Variants in GNAQ observed in about 807,000 individuals in gnomAD.
GNAQ encodes G protein subunit alpha q.
In GNAQ, 8 loss-of-function variants were observed where a neutral mutation model predicts 43.9. The observed-to-expected ratio is 0.18, with a 90% CI of 0.11 to 0.33. The LOEUF (loss-of-function observed/expected upper bound fraction) is 0.33. Ranked by LOEUF, GNAQ falls within the 10% of genes least tolerant of loss-of-function variation. The pLI is 1.00. For synonymous variants in GNAQ, 155 were observed against 170.7 expected (o/e 0.91, Z 0.71); for missense variants, 158 against 450.8 (o/e 0.35, Z 5.88).
In GNAQ at chr9:77,984,856, G is replaced by A. The variant is rs545256328; in HGVS notation, c.136+46244C>T. Among the ~76,000 whole-genome samples the A allele has an allele frequency of 2.6e-5, 4 of 152,274 alleles. No individual in the cohort carries two copies. In the South Asian group the frequency reaches 6.2e-4, roughly 24 times the overall value. On this transcript the variant is annotated intron_variant, in intron 1 of 6. Coordinates refer to ENST00000286548, the MANE Select transcript of GNAQ (RefSeq NM_002072.5). ...GGACCAGGCTCCCGAGTGAAGAATG[G>A]AGCAATCCTCCAACATCTATTCAGG...
At chr9:77,776,363 A>G (rs1390037331) in intron 5 of GNAQ, among the ~76,000 whole-genome samples, 1 of 152,218 alleles carries the variant, frequency 6.6e-6, no homozygotes, top group Non-Finnish European at 1.5e-5. Flanking sequence ...TAAAAGACAC[A>G]TTGAAAGAAA....
intron 3 of GNAQ, among the ~76,000 whole-genome samples, chr9:77,810,868 T>C (rs144549354): frequency 2.6e-4 from 40 of 152,304 alleles, no homozygotes; most frequent in Non-Finnish European, 5.1e-4. Flanking sequence ...ATAGAAGACA[T>C]AGTGACTTAC....
At chr9:77,962,476 CA>C (rs1369578639) in intron 1 of GNAQ, among the ~76,000 whole-genome samples, 1 of 151,700 alleles carries the variant, frequency 6.6e-6, no homozygotes, top group Non-Finnish European at 1.5e-5. Flanking sequence ...TTACTGCTTA[CA>C]AAAAACACTT....
chr9:77,883,512 T>G (rs1464711683), intron 2 of GNAQ, among the ~76,000 whole-genome samples: 1 of 152,014 alleles, frequency 6.6e-6, no homozygotes, highest in Non-Finnish European at 1.5e-5. Flanking sequence ...GTTTTAATTT[T>G]AGACTCAGGC....
chr9:77,935,846 T>G (rs2118324431), intron 1 of GNAQ, among the ~76,000 whole-genome samples: 1 of 152,298 alleles, frequency 6.6e-6, no homozygotes, highest in South Asian at 2.1e-4. Flanking sequence ...TCTTCCCATC[T>G]TTCCCCTTCA....
At chr9:77,986,675 T>G (rs1431144661) in intron 1 of GNAQ, among the ~76,000 whole-genome samples, 1 of 152,094 alleles carries the variant, frequency 6.6e-6, no homozygotes, top group Non-Finnish European at 1.5e-5. Flanking sequence ...CCAGCTAATT[T>G]TTTTTACTTC....
chr9:77,945,979 C>T (rs1465190391), intron 1 of GNAQ, among the ~76,000 whole-genome samples: 1 of 152,180 alleles, frequency 6.6e-6, no homozygotes, highest in East Asian at 1.9e-4. Context: ...TTTCTTCAGT[C>T]CTAAACAGAA....
intron 2 of GNAQ, among the ~76,000 whole-genome samples, chr9:77,836,294 A>G (rs1035247402): frequency 6.6e-6 from 1 of 152,030 alleles, no homozygotes; most frequent in African/African-American, 2.4e-5. Context: ...CCTTTCAGGT[A>G]TTCCCTAACT....
intron 5 of GNAQ, among the ~76,000 whole-genome samples, chr9:77,747,061 C>T (rs1416923196): frequency 1.3e-5 from 2 of 152,010 alleles, no homozygotes; most frequent in East Asian, 1.9e-4. Flanking sequence ...GAAGAAGATA[C>T]ATATGAAACA....
intron 2 of GNAQ, among the ~76,000 whole-genome samples, chr9:77,831,076 G>A (rs1287309224): frequency 6.6e-6 from 1 of 152,214 alleles, no homozygotes; most frequent in Non-Finnish European, 1.5e-5. Flanking sequence ...GAATCATGAT[G>A]TAAGCACAGC....
intron 1 of GNAQ, among the ~76,000 whole-genome samples, chr9:77,955,938 T>C (rs1823035175): frequency 6.6e-6 from 1 of 152,238 alleles, no homozygotes; most frequent in Admixed American, 6.5e-5. Flanking sequence ...TCTCTTCCGA[T>C]GGCAATTCCT....
chr9:78,013,745 A>G (rs1018862920), intron 1 of GNAQ, among the ~76,000 whole-genome samples: 6 of 152,196 alleles, frequency 3.9e-5, no homozygotes, highest in African/African-American at 1.2e-4. Flanking sequence ...AAATGGAGTA[A>G]TCAGAGGTTG....
chr9:77,738,373 G>C (rs1001696541), intron 5 of GNAQ, among the ~76,000 whole-genome samples: 2 of 151,984 alleles, frequency 1.3e-5, no homozygotes, highest in African/African-American at 4.8e-5. Context: ...CTTTTCCCAA[G>C]CTATACTTGT....
intron 1 of GNAQ, among the ~76,000 whole-genome samples, chr9:78,026,286 G>T (rs181577088): frequency 6.6e-6 from 1 of 152,266 alleles, no homozygotes; most frequent in Non-Finnish European, 1.5e-5. Flanking sequence ...TCCAGACGAT[G>T]AATCTACGTA....
At chr9:77,938,152 T>A (rs1042032918) in intron 1 of GNAQ, among the ~76,000 whole-genome samples, 1 of 152,212 alleles carries the variant, frequency 6.6e-6, no homozygotes, top group Admixed American at 6.5e-5. Context: ...TAATACCTGA[T>A]ACAATGTAAA....
At chr9:77,846,738 C>T (rs1431926083) in intron 2 of GNAQ, among the ~76,000 whole-genome samples, 1 of 152,174 alleles carries the variant, frequency 6.6e-6, no homozygotes, top group Non-Finnish European at 1.5e-5. Flanking sequence ...CCTCAGAGAA[C>T]AGTATCCTTA....
chr9:77,905,639 T>TTG (rs1828693821), intron 2 of GNAQ, among the ~76,000 whole-genome samples: 1 of 152,174 alleles, frequency 6.6e-6, no homozygotes, highest in Admixed American at 6.5e-5. Context: ...GATCATACAC[T>TTG]TGGAGATAAT....
chr9:78,031,061 G>T, intron 1 of GNAQ, 39 bp downstream of exon 1: 1 of 1,379,304 alleles, frequency 7.3e-7, no homozygotes, highest in East Asian at 3.0e-5. Context: ...TGGTGGGCTG[G>T]GGGCGCAGAG....
rs188004758 is a variant in GNAQ, at chr9:77,824,586, T to C, written c.322-8816A>G. Among the ~76,000 whole-genome samples the C allele has an allele frequency of 2.2e-4, 34 of 152,300 alleles. No individual in the cohort carries two copies. In the East Asian group the frequency reaches 5.8e-3, roughly 26 times the overall value. ...GTTTATTAATTTAATACATACAGTA[T>C]TTTACCATGACACTATGCTCCATGA... On this transcript the variant is annotated intron_variant, in intron 2 of 6. Coordinates refer to ENST00000286548, the MANE Select transcript of GNAQ (RefSeq NM_002072.5).
Sources: gnomAD v4.1 joint callset for allele counts (sites outside exome capture counted in the v4.1 genomes callset) on GRCh38, gnomAD v4.1.1 for gene constraint, MANE v1.5 for transcripts, NCBI Gene and HGNC (gene_info 2026-07-23, HGNC 2026-07-21) for gene names.